Variants in FBXL4 observed in about 807,000 individuals in gnomAD.
The protein encoded by FBXL4 is F-box/LRR-repeat protein 4.
In FBXL4, 40 loss-of-function variants were observed where a neutral mutation model predicts 58.9. The ratio of observed to expected loss-of-function variants is 0.68; its 90% CI spans 0.53 to 0.88. FBXL4 has a LOEUF of 0.88. Among genes scored for constraint, FBXL4 ranks in the 40% least tolerant of loss-of-function variants. The pLI, the probability that FBXL4 is intolerant of heterozygous loss-of-function variation, is 0.00. For synonymous variants in FBXL4, 263 were observed against 265.5 expected, an observed-to-expected ratio of 0.99 and a Z score of 0.09; for missense variants, 676 against 734.4, an observed-to-expected ratio of 0.92 and a Z score of 0.92.
intron 2 of FBXL4, among the ~76,000 whole-genome samples, chr6:98,929,654 C>T (rs1333965718): frequency 6.6e-6 from 1 of 151,550 alleles, no homozygotes; most frequent in Non-Finnish European, 1.5e-5. Flanking sequence ...CTGAAGCTAA[C>T]ATGACTCATG....
chr6:98,926,936 C>T lies in FBXL4; in HGVS notation c.53G>A (p.Cys18Tyr), dbSNP rs765995230. The T allele has an allele frequency of 1.2e-6, 2 of 1,614,036 alleles. No individual in the cohort carries two copies. Among genetic ancestry groups the T allele is most frequent in the Non-Finnish European group, 1.7e-6 (2 of 1,179,986 alleles). ...AGCTGTCCTGGCTCGGCGCCGAAGG[C>T]ATATATAATAAAACATGGTCAGAAC... The part of the protein sequence containing the change: ...LTVLTMFYYI[C>Y]LRRRARTATR... Residue 18 changes from cysteine (C) to tyrosine (Y), a missense_variant, in exon 4 of 10, where the codon TGC (cysteine) becomes TAC (tyrosine). Physicochemically the swap from Cys to Tyr is radical, Grantham distance 194 (BLOSUM62 -2). Transcript: ENST00000369244.
At chr6:98,920,543 GA>G (rs909292291) in intron 4 of FBXL4, among the ~76,000 whole-genome samples, 3 of 148,542 alleles carry the variant, frequency 2.0e-5, no homozygotes, top group South Asian at 2.1e-4. Flanking sequence ...AAAGTAACAA[GA>G]AAAAAAAAGA....
At chr6:98,903,525 C>T (rs1384341695) in intron 6 of FBXL4, among the ~76,000 whole-genome samples, 1 of 151,894 alleles carries the variant, frequency 6.6e-6, no homozygotes, top group Admixed American at 6.6e-5. Flanking sequence ...CAGCAACTAC[C>T]CTGGGTGAAT....
At chr6:98,923,000 T>C (rs1178641739) in intron 4 of FBXL4, among the ~76,000 whole-genome samples, 1 of 152,218 alleles carries the variant, frequency 6.6e-6, no homozygotes, top group Non-Finnish European at 1.5e-5. Flanking sequence ...ACCCTGCAGA[T>C]GGGCTTGCTT....
At chr6:98,885,398 C>A (rs887850593) in intron 7 of FBXL4, among the ~76,000 whole-genome samples, 3 of 151,926 alleles carry the variant, frequency 2.0e-5, no homozygotes, top group Non-Finnish European at 4.4e-5. Context: ...CTACGCCCTG[C>A]CAATTCTGGG....
At chr6:98,932,577 G>A (rs552015905) in intron 2 of FBXL4, among the ~76,000 whole-genome samples, 1 of 152,274 alleles carries the variant, frequency 6.6e-6, no homozygotes, top group East Asian at 1.9e-4. Context: ...TCGATGAGGC[G>A]GAGAGAAGCA....
chr6:98,919,969 C>T (rs1772517312), intron 4 of FBXL4, among the ~76,000 whole-genome samples: 1 of 152,060 alleles, frequency 6.6e-6, no homozygotes, highest in African/African-American at 2.4e-5. Flanking sequence ...TGAACTAAAC[C>T]AGCCTACTTT....
chr6:98,912,391 G>C (rs951607448), intron 5 of FBXL4, among the ~76,000 whole-genome samples: 1 of 152,104 alleles, frequency 6.6e-6, no homozygotes, highest in South Asian at 2.1e-4. Context: ...CACCAAAGTT[G>C]AAATGAAGGA....
intron 9 of FBXL4, 126 bp downstream of exon 9, chr6:98,875,289 G>A (rs1396227768): frequency 1.3e-6 from 1 of 795,388 alleles, no homozygotes; most frequent in East Asian, 2.7e-5. Flanking sequence ...ATCAAACCAA[G>A]CCATCTTATC....
intron 7 of FBXL4, among the ~76,000 whole-genome samples, chr6:98,891,654 G>A (rs1261174339): frequency 6.6e-6 from 1 of 150,674 alleles, no homozygotes; most frequent in Admixed American, 6.6e-5. Context: ...GAAGGCTGAG[G>A]CAGGAGGATC....
intron 4 of FBXL4, among the ~76,000 whole-genome samples, chr6:98,922,712 T>C (rs1477753552): frequency 6.6e-6 from 1 of 152,188 alleles, no homozygotes; most frequent in Non-Finnish European, 1.5e-5. Flanking sequence ...CCAAAAAACA[T>C]GATTTTGTCA....
intron 8 of FBXL4, among the ~76,000 whole-genome samples, chr6:98,877,333 T>A (rs896081220): frequency 5.3e-5 from 8 of 152,176 alleles, no homozygotes; most frequent in African/African-American, 9.6e-5. Context: ...AAAAAAAAAA[T>A]TTAAAAACTT....
intron 6 of FBXL4, among the ~76,000 whole-genome samples, chr6:98,904,065 A>G (rs1020368092): frequency 6.6e-6 from 1 of 152,212 alleles, no homozygotes; most frequent in Non-Finnish European, 1.5e-5. Flanking sequence ...AATGGTCTAC[A>G]TAATGTAAAA....
At chr6:98,886,165 T>G (rs1020547837) in intron 7 of FBXL4, among the ~76,000 whole-genome samples, 2 of 152,198 alleles carry the variant, frequency 1.3e-5, no homozygotes, top group African/African-American at 4.8e-5. Flanking sequence ...TAGGTTGTTT[T>G]AAGCCACTAA....
chr6:98,932,441 T>C (rs891397322), intron 2 of FBXL4, among the ~76,000 whole-genome samples: 2 of 152,170 alleles, frequency 1.3e-5, no homozygotes, highest in Non-Finnish European at 2.9e-5. Context: ...TTCCATATTA[T>C]AAAATGCTTA....
chr6:98,902,168 T>A (rs1771637908), intron 6 of FBXL4, among the ~76,000 whole-genome samples: 1 of 152,098 alleles, frequency 6.6e-6, no homozygotes, highest in Non-Finnish European at 1.5e-5. Flanking sequence ...TTGCCTGAAG[T>A]ATAAAAGAGA....
chr6:98,914,853 C>G (rs1286342161), intron 5 of FBXL4, among the ~76,000 whole-genome samples: 1 of 152,140 alleles, frequency 6.6e-6, no homozygotes, highest in Non-Finnish European at 1.5e-5. Flanking sequence ...AAAGGGTATT[C>G]AATTAGGAAA....
chr6:98,904,288 T>C (rs1043839459), intron 6 of FBXL4, among the ~76,000 whole-genome samples: 1 of 152,166 alleles, frequency 6.6e-6, no homozygotes, highest in Admixed American at 6.6e-5. Flanking sequence ...TATCTAGCAA[T>C]GAACCCCTTC....
Position 98,899,339 on chromosome 6 carries a change from G to A in FBXL4, c.1246C>T (p.Pro416Ser). ...TTGGCAATGTGGTTGAAAGCTTGAG[G>A]TGGTAGCTTATCACAGGAGGAGAGA... ...LNLSSCDKLP[P>S]QAFNHIAKLC... Residue 416 changes from proline to serine, a missense_variant, in exon 7 of 10, where the codon CCT (proline) becomes TCT (serine). Pro to Ser is a moderately conservative substitution (Grantham distance 74). Coordinates refer to ENST00000369244, the MANE Select transcript of FBXL4 (RefSeq NM_001278716.2). 6.2e-7 allele frequency: 1 copy of A among 1,614,012 alleles called. No individual in the cohort carries two copies. The highest frequency in any genetic ancestry group is 8.5e-7 in the Non-Finnish European group (1 of 1,179,960).
Sources: allele counts gnomAD v4.1 joint callset (sites outside exome capture counted in the v4.1 genomes callset), GRCh38; gene constraint gnomAD v4.1.1; transcripts MANE v1.5; gene names NCBI Gene and HGNC (gene_info 2026-07-23, HGNC 2026-07-21).